Variants in SORBS2 observed in about 807,000 individuals in gnomAD.
SORBS2 encodes the protein sorbin and SH3 domain-containing protein 2.
Under a neutral mutation model 97.7 loss-of-function variants are expected in SORBS2, and 46 were observed. The observed-to-expected ratio is 0.47, with a 90% CI of 0.37 to 0.60. SORBS2 has a LOEUF of 0.60. SORBS2 is among the 20% of genes least tolerant of loss of function. The pLI is 0.00. For missense variants in SORBS2, 1,316 were observed against 1,282.3 expected (o/e 1.03, Z -0.40); for synonymous variants, 476 against 473.4 (o/e 1.01, Z -0.07).
At chr4:185,613,402 C>T (rs1049139172) in intron 11 of SORBS2, among the ~76,000 whole-genome samples, 5 of 152,176 alleles carry the variant, frequency 3.3e-5, no homozygotes, top group Non-Finnish European at 7.3e-5. Context: ...GTAATCCCAG[C>T]ACTTTGGGAG....
intron 12 of SORBS2, among the ~76,000 whole-genome samples, chr4:185,601,490 G>C (rs559987403): frequency 6.6e-6 from 1 of 152,186 alleles, no homozygotes; most frequent in Non-Finnish European, 1.5e-5. Context: ...TCTGAGGATG[G>C]CGATGAGCCC....
chr4:185,744,034 C>T (rs1484162740), intron 2 of SORBS2, among the ~76,000 whole-genome samples: 1 of 139,510 alleles, frequency 7.2e-6, no homozygotes, highest in Admixed American at 7.3e-5. Flanking sequence ...CTCCCATTTC[C>T]ACTTTCTTCC....
rs540688780 is a variant in SORBS2 at position 185,932,090 on chromosome 4, GTGTT to G, written c.-338+24102_-338+24105del. Among the ~76,000 whole-genome samples the G allele has an allele frequency of 4.6e-3, 701 of 151,632 alleles. 21 individuals are homozygous for G. Among genetic ancestry groups the G allele is most frequent in the Admixed American group, 0.041 (619 of 15,196 alleles). On this transcript the variant is annotated intron_variant, in intron 1 of 20. Coordinates refer to the SORBS2 transcript ENST00000284776. ...ATTATATATTTATTTATATATGTGTGTGTTTATTATATACACATAATAAACACAC... is the reference window on the plus strand; with the variant it reads ...ATTATATATTTATTTATATATGTGTGTATTATATACACATAATAAACACAC...
rs543074439 is a variant in SORBS2, at chr4:185,779,329, G to A, written c.-337-3963C>T. Among the ~76,000 whole-genome samples, 108 of 152,248 alleles carry A rather than the reference G, an allele frequency of 7.1e-4. 1 individual carries two copies. Among genetic ancestry groups the A allele is most frequent in the African/African-American group, 2.4e-3 (98 of 41,532 alleles). Reference sequence around the variant, plus strand: ...TAATGAGACCTTTTTTTATTGGGTTGTTGTGAGGGTGAAAATTGTTATTTG... The same window carrying A: ...TAATGAGACCTTTTTTTATTGGGTTATTGTGAGGGTGAAAATTGTTATTTG... On this transcript the variant is annotated intron_variant, in intron 1 of 20. Transcript: ENST00000284776.
chr4:185,589,793 A>G lies in SORBS2; in HGVS notation c.2847-8T>C, dbSNP rs760035596. The G allele has an allele frequency of 2.0e-6, 3 of 1,475,872 alleles. No individual in the cohort carries two copies. Among genetic ancestry groups the G allele is most frequent in the East Asian group, 4.5e-5 (2 of 44,260 alleles). 91.4% of individuals were successfully genotyped at this position (1,475,872 alleles called of 1,614,324 possible). On this transcript the variant is annotated splice_polypyrimidine_tract_variant and splice_region_variant and intron_variant, in intron 13 of 14. Transcript: ENST00000418609. ...TTATACAGAGCCTGAAACCTTAAAC[A>G]GGACAAGGGAATGTGTTTAAAAACA... is the stretch of plus-strand genomic sequence containing the variant.
At chr4:185,866,541 A>T (rs1293114786) in intron 1 of SORBS2, among the ~76,000 whole-genome samples, 3 of 152,178 alleles carry the variant, frequency 2.0e-5, no homozygotes, top group Non-Finnish European at 4.4e-5. Context: ...GTTCCATCCT[A>T]TACAGTGGAG....
intron 4 of SORBS2, among the ~76,000 whole-genome samples, chr4:185,642,351 AT>A (rs542146591): frequency 1.6e-4 from 24 of 149,034 alleles, no homozygotes; most frequent in African/African-American, 2.2e-4. Flanking sequence ...ATTTTCATAT[AT>A]TTTTTTTTTA....
At chr4:185,706,666 C>T (rs920843206) in intron 2 of SORBS2, among the ~76,000 whole-genome samples, 1 of 152,134 alleles carries the variant, frequency 6.6e-6, no homozygotes, top group Non-Finnish European at 1.5e-5. Flanking sequence ...TTTGAGTAGC[C>T]ATCATTCTGA....
chr4:185,600,325 A>C (rs1191853929), intron 12 of SORBS2, among the ~76,000 whole-genome samples: 1 of 152,112 alleles, frequency 6.6e-6, no homozygotes, highest in African/African-American at 2.4e-5. Context: ...CATATAAGAA[A>C]TGTTATATCT....
At chr4:185,891,143 G>A (rs372565276) in intron 1 of SORBS2, among the ~76,000 whole-genome samples, 3 of 133,312 alleles carry the variant, frequency 2.3e-5, no homozygotes, top group African/African-American at 7.9e-5. Flanking sequence ...TTTTAATTCT[G>A]CTTATTCTAA....
chr4:185,898,503 T>C (rs1469435180), intron 1 of SORBS2, among the ~76,000 whole-genome samples: 1 of 152,156 alleles, frequency 6.6e-6, no homozygotes, highest in African/African-American at 2.4e-5. Flanking sequence ...GTGAGGAAAA[T>C]AAAAACATCA....
intron 1 of SORBS2, among the ~76,000 whole-genome samples, chr4:185,871,246 T>C (rs2099230271): frequency 6.6e-6 from 1 of 152,216 alleles, no homozygotes; most frequent in Non-Finnish European, 1.5e-5. Context: ...TTCTTAACAG[T>C]GTATTTCAAA....
intron 1 of SORBS2, among the ~76,000 whole-genome samples, chr4:185,907,768 C>T (rs1307628243): frequency 6.6e-6 from 1 of 152,170 alleles, no homozygotes; most frequent in Non-Finnish European, 1.5e-5. Context: ...CCTTCCCTCT[C>T]TCCTTCCTGT....
At chr4:185,821,605 G>T (rs1268718654) in intron 1 of SORBS2, among the ~76,000 whole-genome samples, 1 of 151,924 alleles carries the variant, frequency 6.6e-6, no homozygotes, top group Non-Finnish European at 1.5e-5. Flanking sequence ...TGTATTTTTA[G>T]TAGAGACGGG....
intron 1 of SORBS2, among the ~76,000 whole-genome samples, chr4:185,953,950 T>C (rs2099278425): frequency 6.6e-6 from 1 of 152,222 alleles, no homozygotes; most frequent in South Asian, 2.1e-4. Context: ...CTGGAGGACA[T>C]CCCGGAGGGA....
In SORBS2 at chr4:185,839,687, A is replaced by G. The variant is rs142193821; in HGVS notation, c.-337-64321T>C. On this transcript the variant is annotated intron_variant, in intron 1 of 20. Transcript: ENST00000284776. Reference sequence around the variant, plus strand: ...CTGAGTCCTGTACAATAAAGGACATACGTATAAAACTCTAAAATGTAAATT... The same window carrying G: ...CTGAGTCCTGTACAATAAAGGACATGCGTATAAAACTCTAAAATGTAAATT... 3.9e-3 allele frequency among the ~76,000 whole-genome samples: 593 copies of G among 152,338 alleles called. 1 individual carries two copies. The highest frequency in any genetic ancestry group is 0.01 in the African/African-American group (435 of 41,572).
chr4:185,821,121 C>CG (rs561504608), intron 1 of SORBS2, among the ~76,000 whole-genome samples: 255 of 152,286 alleles, frequency 1.7e-3, no homozygotes, highest in African/African-American at 5.7e-3. Flanking sequence ...TGCCCACGCC[C>CG]GGGGGGCAAG....
At chr4:185,945,611 C>T (rs1038699681) in intron 1 of SORBS2, among the ~76,000 whole-genome samples, 3 of 152,168 alleles carry the variant, frequency 2.0e-5, no homozygotes, top group African/African-American at 7.2e-5. Flanking sequence ...GTTCTTTGCC[C>T]TTTTCATTTT....
chr4:185,941,993 G>C (rs1160439372), intron 1 of SORBS2, among the ~76,000 whole-genome samples: 1 of 152,064 alleles, frequency 6.6e-6, no homozygotes, highest in Non-Finnish European at 1.5e-5. Context: ...GTGCACGCCT[G>C]TAATTCCAGC....
Sources: gnomAD v4.1 joint callset for allele counts (sites outside exome capture counted in the v4.1 genomes callset) on GRCh38, gnomAD v4.1.1 for gene constraint, MANE v1.5 for transcripts, NCBI Gene and HGNC (gene_info 2026-07-23, HGNC 2026-07-21) for gene names.